The following NPAS3 variants were observed in gnomAD, a reference collection of about 807,000 sequenced individuals.
NPAS3 encodes the protein neuronal PAS domain-containing protein 3.
In NPAS3, 14 loss-of-function variants were observed where a neutral mutation model predicts 73.1. The observed-to-expected ratio is 0.19, with a 90% confidence interval of 0.13 to 0.30. The LOEUF (loss-of-function observed/expected upper bound fraction) is 0.30, where lower values mean the gene tolerates loss of function less well. NPAS3 is among the 10% of genes least tolerant of loss of function. The pLI is 1.00. For missense variants in NPAS3, 1,096 were observed against 1,250.0 expected (o/e 0.88, Z 1.86); for synonymous variants, 620 against 541.5 (o/e 1.14, Z -2.01).
At chr14:33,088,781 G>A (rs577623716) in intron 2 of NPAS3, among the ~76,000 whole-genome samples, 1 of 152,274 alleles carries the variant, frequency 6.6e-6, no homozygotes, top group Admixed American at 6.5e-5. Context: ...CCCCCAGTAG[G>A]GGCACACTGA....
intron 6 of NPAS3, among the ~76,000 whole-genome samples, chr14:33,728,210 T>G (rs1271512572): frequency 6.6e-6 from 1 of 152,182 alleles, no homozygotes; most frequent in Non-Finnish European, 1.5e-5. Flanking sequence ...GGCAACCTCA[T>G]GCATTACAAT....
At position 33,600,255 on chromosome 14, in the gene NPAS3, C is replaced by T. The variant is rs779357769; in HGVS notation, c.558+40045C>T. On this transcript the variant is annotated intron_variant, in intron 5 of 11. Transcript: ENST00000356141. ...TAGTGCCATTAGCTGACTTTATGACCATCCTTGTTAAATAACCAAATCAAA... is the reference window on the plus strand; with the variant it reads ...TAGTGCCATTAGCTGACTTTATGACTATCCTTGTTAAATAACCAAATCAAA... 2.0e-5 allele frequency among the ~76,000 whole-genome samples: 3 copies of T among 152,154 alleles called. No homozygotes were observed. The South Asian group carries it at 6.2e-4, about 32-fold the overall frequency.
intron 2 of NPAS3, among the ~76,000 whole-genome samples, chr14:33,103,534 A>G (rs549275002): frequency 6.6e-6 from 1 of 152,318 alleles, no homozygotes; most frequent in Non-Finnish European, 1.5e-5. Flanking sequence ...ATCCAGTTGT[A>G]GAAAATAGCG....
chr14:33,362,367 C>T (rs1044136713), intron 3 of NPAS3, among the ~76,000 whole-genome samples: 12 of 152,176 alleles, frequency 7.9e-5, no homozygotes, highest in African/African-American at 2.4e-4. Flanking sequence ...CAGATACACA[C>T]ACTCATACAT....
intron 1 of NPAS3, among the ~76,000 whole-genome samples, chr14:32,969,822 A>C (rs1329327986): frequency 1.3e-5 from 2 of 152,244 alleles, no homozygotes; most frequent in Non-Finnish European, 2.9e-5. Flanking sequence ...TTTACTTCTC[A>C]GAAACACTTT....
At chr14:33,487,888 T>TTG (rs2051689787) in intron 4 of NPAS3, among the ~76,000 whole-genome samples, 1 of 152,190 alleles carries the variant, frequency 6.6e-6, no homozygotes, top group African/African-American at 2.4e-5. Context: ...AGTTACTGAA[T>TTG]AATTATTTCT....
At position 33,314,715 on chromosome 14, in the gene NPAS3, C is replaced by T. The variant is rs140847087; in HGVS notation, c.386-52471C>T. ...AGAAACACCTGGACCTCCAGTTTCA[C>T]GACAATTTGAATAGGAAGGGAACCT... is the stretch of plus-strand genomic sequence containing the variant. On this transcript the variant is annotated intron_variant, in intron 3 of 11. Coordinates refer to ENST00000356141, the Ensembl canonical transcript of NPAS3. Among the ~76,000 whole-genome samples, 72 of 152,076 alleles carry T rather than the reference C, an allele frequency of 4.7e-4. No homozygotes were observed. In the East Asian group the frequency reaches 7.0e-3, roughly 15 times the overall value.
chr14:33,492,996 T>C (rs991586127), intron 4 of NPAS3, among the ~76,000 whole-genome samples: 20 of 152,164 alleles, frequency 1.3e-4, no homozygotes, highest in South Asian at 6.2e-4. Context: ...GATATGCATT[T>C]TGTTTATTTT....
chr14:33,671,386 T>C (rs1453506520), intron 5 of NPAS3, among the ~76,000 whole-genome samples: 1 of 152,204 alleles, frequency 6.6e-6, no homozygotes, highest in Non-Finnish European at 1.5e-5. Context: ...TACATTTTTT[T>C]CCAGGAAACT....
chr14:33,251,883 CT>C (rs944341679), intron 3 of NPAS3, among the ~76,000 whole-genome samples: 3 of 151,820 alleles, frequency 2.0e-5, no homozygotes, highest in African/African-American at 4.8e-5. Context: ...TCTGCTTTCT[CT>C]TTTTTTTAGA....
chr14:33,713,701 C>G (rs1315545125), intron 6 of NPAS3, among the ~76,000 whole-genome samples: 1 of 152,204 alleles, frequency 6.6e-6, no homozygotes, highest in Non-Finnish European at 1.5e-5. Flanking sequence ...GTGCTCCCAC[C>G]CTCTGTCCTT....
intron 1 of NPAS3, among the ~76,000 whole-genome samples, chr14:33,040,017 G>C (rs1409967982): frequency 6.6e-6 from 1 of 152,066 alleles, no homozygotes; most frequent in African/African-American, 2.4e-5. Flanking sequence ...AGATTACAAG[G>C]CCTCCCTCAA....
At chr14:33,594,943 G>C (rs1324212080) in intron 5 of NPAS3, among the ~76,000 whole-genome samples, 2 of 152,298 alleles carry the variant, frequency 1.3e-5, no homozygotes, top group Middle Eastern at 3.4e-3. Flanking sequence ...GGAGCACCTT[G>C]AAAGCCATAA....
At chr14:33,629,719 G>A (rs1188243208) in intron 5 of NPAS3, among the ~76,000 whole-genome samples, 1 of 151,486 alleles carries the variant, frequency 6.6e-6, no homozygotes, top group African/African-American at 2.4e-5. Context: ...ACTGTCTTCT[G>A]TCGAGTCCAC....
At chr14:33,493,841 G>C (rs145895289) in intron 4 of NPAS3, among the ~76,000 whole-genome samples, 56 of 152,130 alleles carry the variant, frequency 3.7e-4, no homozygotes, top group Non-Finnish European at 6.9e-4. Context: ...AGATAAAAAG[G>C]CTCCTTTTTT....
At chr14:33,559,064 T>C (rs1462494948) in intron 4 of NPAS3, among the ~76,000 whole-genome samples, 2 of 152,208 alleles carry the variant, frequency 1.3e-5, no homozygotes, top group African/African-American at 4.8e-5. Flanking sequence ...ATTTACACCA[T>C]TCATCAAACT....
intron 4 of NPAS3, among the ~76,000 whole-genome samples, chr14:33,468,528 C>G (rs147298148): frequency 6.6e-6 from 1 of 152,144 alleles, no homozygotes; most frequent in Non-Finnish European, 1.5e-5. Flanking sequence ...GGATGCTTCT[C>G]TATAAGAATC....
chr14:33,344,897 G>A (rs191106034), intron 3 of NPAS3, among the ~76,000 whole-genome samples: 1 of 152,268 alleles, frequency 6.6e-6, no homozygotes, highest in East Asian at 1.9e-4. Context: ...CTGTTGGTGT[G>A]TGTGGCTCTG....
chr14:33,129,979 A>G (rs2043573686), intron 2 of NPAS3, among the ~76,000 whole-genome samples: 1 of 152,294 alleles, frequency 6.6e-6, no homozygotes, highest in South Asian at 2.1e-4. Context: ...ATGGCTCCCT[A>G]ATAGTGTGTA....
Sources: allele counts gnomAD v4.1 joint callset (sites outside exome capture counted in the v4.1 genomes callset), GRCh38; gene constraint gnomAD v4.1.1; transcripts MANE v1.5; gene names NCBI Gene and HGNC (gene_info 2026-07-23, HGNC 2026-07-21).